PPFIA4: variants seen among roughly 807,000 people sequenced by gnomAD.
PPFIA4 encodes PPFI scaffold protein A4.
A neutral mutation model predicts 145.7 loss-of-function variants in PPFIA4; 98 were observed. The observed-to-expected ratio is 0.67, with a 90% CI of 0.57 to 0.80. The LOEUF is 0.80. Ranked by LOEUF, PPFIA4 falls within the 30% of genes least tolerant of loss-of-function variation. PPFIA4 has a pLI of 0.00. For missense variants in PPFIA4, 1,457 were observed against 1,632.7 expected (o/e 0.89, Z 1.85); for synonymous variants, 628 against 649.6 (o/e 0.97, Z 0.51).
rs1369622982 is a variant in PPFIA4 at position 203,075,475 on chromosome 1, G to A, written c.3394-102G>A. The A allele has an allele frequency of 3.1e-6, 3 of 978,130 alleles. No homozygotes were observed. Among genetic ancestry groups the A allele is most frequent in the Non-Finnish European group, 4.1e-6 (3 of 738,094 alleles). The allele number at this position is 978,130 out of a possible 1,614,324, so 60.6% of individuals were successfully genotyped here. On this transcript the variant is annotated intron_variant, in intron 28 of 29. Coordinates refer to ENST00000295706, the MANE Select transcript of PPFIA4 (RefSeq NM_001304331.2). The surrounding 1 kb of genome is among the most constrained non-coding windows in gnomAD (Gnocchi z 4.1). ...GCTCCCTCTTTCCAAAGGGGTGGGA[G>A]TGGTGCCCCTTGAACCAGCAGCGAC...
In PPFIA4 at chr1:203,071,717, T is replaced by C; in HGVS notation, c.3350T>C (p.Phe1117Ser). Residue 1117 changes from phenylalanine to serine, a missense_variant, in exon 28 of 30, where the codon TTC (phenylalanine) becomes TCC (serine). Around this residue, in one of 3 missense-constraint regions of PPFIA4, gnomAD observed 848 missense variants for 1,046.7 expected, o/e 0.81. Coordinates refer to ENST00000295706, the MANE Select transcript of PPFIA4 (RefSeq NM_001304331.2). ...TQARQVMERE[F>S]NNLLALGTDR... is the part of the protein sequence containing the mutation. ...GCACGCCAAGTGATGGAAAGAGAGT[T>C]CAATAACCTGTTGGCCTTGGGCACA... 6.2e-7 allele frequency: 1 copy of C among 1,613,104 alleles called. No homozygotes were observed. Among genetic ancestry groups the C allele is most frequent in the Admixed American group, 1.7e-5 (1 of 59,950 alleles).
chr1:203,066,353 G>A (rs1180548319), intron 25 of PPFIA4, among the ~76,000 whole-genome samples: 1 of 152,206 alleles, frequency 6.6e-6, no homozygotes, highest in Non-Finnish European at 1.5e-5. Context: ...GAAGTGAGGG[G>A]AGAAAAGGAG....
At chr1:203,050,483 C>G (rs1316870515) in intron 13 of PPFIA4, among the ~76,000 whole-genome samples, 1 of 152,160 alleles carries the variant, frequency 6.6e-6, no homozygotes, top group Non-Finnish European at 1.5e-5. Flanking sequence ...TGGCTCTTGG[C>G]TGTTTTCTCT....
intron 5 of PPFIA4, 119 bp from the exon 6 acceptor site, chr1:203,044,577 G>A: frequency 7.1e-7 from 1 of 1,400,362 alleles, no homozygotes; most frequent in South Asian, 1.3e-5. Flanking sequence ...GGCAAGGCTA[G>A]GCTGAGCACC....
chr1:203,034,931 G>A (rs1047158376), intron 1 of PPFIA4, among the ~76,000 whole-genome samples: 5 of 152,164 alleles, frequency 3.3e-5, no homozygotes, highest in African/African-American at 7.2e-5. Context: ...GTTACATGAC[G>A]TTGCATCTCA....
At chr1:203,039,765 C>T (rs931001692) in intron 2 of PPFIA4, among the ~76,000 whole-genome samples, 1 of 152,262 alleles carries the variant, frequency 6.6e-6, no homozygotes, top group Non-Finnish European at 1.5e-5. Flanking sequence ...CCTGTAGTCC[C>T]GTGTACTGTG....
In PPFIA4 at chr1:203,043,710, G is replaced by A. The variant is rs183440193; in HGVS notation, c.336+212G>A. ...GCTGGGCTCTCCACCTGTAGTTGCT[G>A]GTTCACAGAAAGCTCAGGGTCCTGG... On this transcript the variant is annotated intron_variant, in intron 3 of 29. Coordinates refer to ENST00000295706, the MANE Select transcript of PPFIA4 (RefSeq NM_001304331.2). This position sits in a 1 kb window ranked among gnomAD's most constrained non-coding sequence, Gnocchi z 4.4. 1.3e-5 allele frequency among the ~76,000 whole-genome samples: 2 copies of A among 152,136 alleles called. No homozygotes were observed. Among genetic ancestry groups the A allele is most frequent in the African/African-American group, 2.4e-5 (1 of 41,416 alleles).
At chr1:203,049,587 G>A (rs1276609868) in intron 12 of PPFIA4, 89 bp from the exon 13 acceptor site, 2 of 1,148,090 alleles carry the variant, frequency 1.7e-6, no homozygotes, top group East Asian at 5.9e-5. Context: ...CAACTCTGCT[G>A]TCCTCTTTGT....
Position 203,049,579 on chromosome 1 carries a change from A to G in PPFIA4, c.1420-97A>G, listed in dbSNP as rs1243706188. On this transcript the variant is annotated intron_variant, in intron 12 of 29. Coordinates refer to ENST00000295706, the MANE Select transcript of PPFIA4 (RefSeq NM_001304331.2). Reference sequence around the variant, plus strand: ...CAGTACATTCTTCAGCTTCTCCCCAACTCTGCTGTCCTCTTTGTCCCTCTC... The same window carrying G: ...CAGTACATTCTTCAGCTTCTCCCCAGCTCTGCTGTCCTCTTTGTCCCTCTC... 1.7e-5 allele frequency: 19 copies of G among 1,088,014 alleles called. No homozygotes were observed. In the East Asian group the frequency reaches 3.6e-4, roughly 21 times the overall value. 67.4% of individuals were successfully genotyped at this position (1,088,014 alleles called of 1,614,324 possible).
In PPFIA4 at chr1:203,046,617, T is replaced by C; in HGVS notation, c.1140+235T>C. On this transcript the variant is annotated intron_variant, in intron 9 of 29. Transcript: ENST00000295706. ...CTCATAAGAAGGGGTGTAAAAGTAC[T>C]TGAAGGAGAAGAAGCTATGTTGATG... 3 of 421,832 alleles carry C rather than the reference T, an allele frequency of 7.1e-6. No homozygotes were observed. In the East Asian group the frequency reaches 1.1e-4, roughly 15 times the overall value. 26.1% of individuals were successfully genotyped at this position (421,832 alleles called of 1,614,324 possible).
intron 7 of PPFIA4, 63 bp from the exon 8 acceptor site, chr1:203,045,778 G>T: frequency 6.2e-7 from 1 of 1,608,818 alleles, no homozygotes; most frequent in Non-Finnish European, 8.5e-7. Context: ...GGGTGGGGAG[G>T]TGTAGACAGG....
Position 203,043,795 on chromosome 1 carries a change from T to C in PPFIA4, c.337-136T>C. The C allele has an allele frequency of 1.1e-6, 1 of 925,262 alleles. No individual in the cohort carries two copies. Among genetic ancestry groups the C allele is most frequent in the South Asian group, 1.8e-5 (1 of 56,340 alleles). The allele number at this position is 925,262 out of a possible 1,614,324, so 57.3% of individuals were successfully genotyped here. On this transcript the variant is annotated intron_variant, in intron 3 of 29. Coordinates refer to ENST00000295706, the MANE Select transcript of PPFIA4 (RefSeq NM_001304331.2). The surrounding 1 kb of genome is among the most constrained non-coding windows in gnomAD (Gnocchi z 4.4). ...GTTGGGGCGGGAGCTCTGTGCCCAT[T>C]TGGAAGTATTTCAGTGTTTTCACAG...
chr1:203,076,751 T>G lies in PPFIA4; in HGVS notation c.*361T>G. ...ACTGCAACCTCCACCAGGACCAGGA[T>G]CCTGGGCCACAGGCTGGGATGGTCC... is the stretch of plus-strand genomic sequence containing the variant. On this transcript the variant is annotated 3_prime_UTR_variant, in exon 30 of 30. Coordinates refer to ENST00000295706, the MANE Select transcript of PPFIA4 (RefSeq NM_001304331.2). 1 of 304,264 alleles carries G rather than the reference T, an allele frequency of 3.3e-6. No individual in the cohort carries two copies. Among genetic ancestry groups the G allele is most frequent in the South Asian group, 4.8e-5 (1 of 21,014 alleles). The allele number at this position is 304,264 out of a possible 1,614,324, so 18.8% of individuals were successfully genotyped here.
In PPFIA4 at chr1:203,075,308, G is replaced by C. The variant is rs905142891; in HGVS notation, c.3394-269G>C. 2.0e-5 allele frequency among the ~76,000 whole-genome samples: 3 copies of C among 152,222 alleles called. No individual in the cohort carries two copies. Among genetic ancestry groups the C allele is most frequent in the Non-Finnish European group, 4.4e-5 (3 of 67,992 alleles). The stretch of plus-strand genomic sequence containing the variant: ...GGGCTGGGAAACAGTTCAACTGCAG[G>C]ATGGCAGACCCAACAAGACTCTCCC... On this transcript the variant is annotated intron_variant, in intron 28 of 29. Coordinates refer to ENST00000295706, the MANE Select transcript of PPFIA4 (RefSeq NM_001304331.2). This position sits in a 1 kb window ranked among gnomAD's most constrained non-coding sequence, Gnocchi z 4.1.
intron 13 of PPFIA4, 120 bp from the exon 14 acceptor site, chr1:203,051,649 G>A: frequency 6.8e-7 from 1 of 1,480,038 alleles, no homozygotes; most frequent in Non-Finnish European, 9.0e-7. Flanking sequence ...ACAGCTCTGT[G>A]TCCTGCTAAG....
chr1:203,057,758 G>T (rs1661074988), intron 19 of PPFIA4, among the ~76,000 whole-genome samples: 1 of 152,222 alleles, frequency 6.6e-6, no homozygotes, highest in Non-Finnish European at 1.5e-5. Flanking sequence ...CAGGGTGCTT[G>T]TGGGACTCAG....
Position 203,051,895 on chromosome 1 carries a change from TCTC to T in PPFIA4, c.1620+22_1620+24del, listed in dbSNP as rs1660538541. ...CTGCCAAGGTGAGGGGGTGGAGGGATCTCCTCAGGGAGTTTGGGGTCAATTCGG... is the reference window on the plus strand; with the variant it reads ...CTGCCAAGGTGAGGGGGTGGAGGGATCTCAGGGAGTTTGGGGTCAATTCGG... On this transcript the variant is annotated intron_variant, in intron 14 of 29. Coordinates refer to ENST00000295706, the MANE Select transcript of PPFIA4 (RefSeq NM_001304331.2). The T allele has an allele frequency of 1.2e-6, 2 of 1,610,510 alleles. No individual in the cohort carries two copies. The highest frequency in any genetic ancestry group is 3.3e-4 in the Middle Eastern group (2 of 6,050).
chr1:203,059,927 T>A, intron 21 of PPFIA4, 76 bp downstream of exon 21: 1 of 1,237,936 alleles, frequency 8.1e-7, no homozygotes, highest in Non-Finnish European at 1.2e-6. Context: ...GGTGGTGTCC[T>A]AGAACTTTTA....
intron 1 of PPFIA4, among the ~76,000 whole-genome samples, chr1:203,036,438 A>G (rs1016568064): frequency 1.3e-5 from 2 of 151,914 alleles, no homozygotes; most frequent in Admixed American, 1.3e-4. Context: ...TGGGATACCT[A>G]AGCTCCTTCC....
Sources: allele counts gnomAD v4.1 joint callset (sites outside exome capture counted in the v4.1 genomes callset), GRCh38; gene constraint gnomAD v4.1.1; regional missense constraint gnomAD v4.1.1; non-coding constraint Gnocchi (gnomAD v3.1); transcripts MANE v1.5; gene names NCBI Gene and HGNC (gene_info 2026-07-23, HGNC 2026-07-21).